The following DCHS2 variants were observed in gnomAD, a reference collection of about 807,000 sequenced individuals.
The protein encoded by DCHS2 is dachsous cadherin-related 2.
A neutral mutation model predicts 182.4 loss-of-function variants in DCHS2; 142 were observed. The ratio of observed to expected loss-of-function variants is 0.78; its 90% CI spans 0.68 to 0.89. The LOEUF is 0.89. Ranked by LOEUF, DCHS2 falls within the 40% of genes least tolerant of loss-of-function variation. The pLI is 0.00. For missense variants in DCHS2, 4,319 were observed against 4,198.6 expected (o/e 1.03, Z -0.79); for synonymous variants, 1,740 against 1,663.3 (o/e 1.05, Z -1.12).
intron 1 of DCHS2, among the ~76,000 whole-genome samples, chr4:154,404,543 A>T (rs1175379581): frequency 1.3e-5 from 2 of 152,186 alleles, no homozygotes; most frequent in South Asian, 2.1e-4. Flanking sequence ...TGGAGGAAAG[A>T]GTTGTTCAAA....
At chr4:154,483,547 T>G (rs895334177) in intron 1 of DCHS2, among the ~76,000 whole-genome samples, 1 of 152,154 alleles carries the variant, frequency 6.6e-6, no homozygotes, top group Admixed American at 6.5e-5. Flanking sequence ...TAAAACAGGC[T>G]TTCATTGTCT....
intron 1 of DCHS2, among the ~76,000 whole-genome samples, chr4:154,436,985 C>G (rs1733807007): frequency 2.0e-5 from 3 of 152,158 alleles, no homozygotes; most frequent in African/African-American, 7.2e-5. Context: ...CCTCTTCCTT[C>G]TTTTGGTGTG....
intron 13 of DCHS2, among the ~76,000 whole-genome samples, chr4:154,296,157 T>C (rs546574963): frequency 9.8e-5 from 15 of 152,322 alleles, no homozygotes; most frequent in Admixed American, 9.2e-4. Context: ...ATTCTTATCA[T>C]GACAATCAAA....
At chr4:154,357,465 GC>G (rs1248595769) in intron 3 of DCHS2, 3 of 615,854 alleles carry the variant, frequency 4.9e-6, no homozygotes, top group Admixed American at 2.7e-5. Flanking sequence ...TCTGAGCCCA[GC>G]TATCACCAGA....
intron 1 of DCHS2, among the ~76,000 whole-genome samples, chr4:154,431,299 G>A (rs749305288): frequency 1.3e-3 from 194 of 152,196 alleles, no homozygotes; most frequent in Non-Finnish European, 1.8e-3. Flanking sequence ...AAGGCAGTGT[G>A]TATGACTTAA....
At chr4:154,306,999 T>A (rs1032629973) in intron 10 of DCHS2, among the ~76,000 whole-genome samples, 1 of 152,210 alleles carries the variant, frequency 6.6e-6, no homozygotes, top group Non-Finnish European at 1.5e-5. Context: ...TAACAATACA[T>A]TAACCTTCAA....
chr4:154,386,061 G>A (rs1731400745), intron 1 of DCHS2, among the ~76,000 whole-genome samples: 3 of 152,040 alleles, frequency 2.0e-5, no homozygotes, highest in Admixed American at 1.3e-4. Flanking sequence ...CCACCCCACA[G>A]TCTGCTACCC....
At chr4:154,249,432 G>A (rs1732242300) in intron 16 of DCHS2, among the ~76,000 whole-genome samples, 1 of 152,162 alleles carries the variant, frequency 6.6e-6, no homozygotes, top group African/African-American at 2.4e-5. Context: ...AAAGATGCTA[G>A]TGAGAGTGTG....
chr4:154,306,768 C>T (rs1342022571), intron 10 of DCHS2, among the ~76,000 whole-genome samples: 4 of 152,030 alleles, frequency 2.6e-5, no homozygotes, highest in Non-Finnish European at 5.9e-5. Context: ...TATTGTATTA[C>T]ATATTATAGA....
At chr4:154,487,393 G>A (rs1308077154) in intron 1 of DCHS2, among the ~76,000 whole-genome samples, 1 of 152,196 alleles carries the variant, frequency 6.6e-6, no homozygotes, top group Non-Finnish European at 1.5e-5. Context: ...TCAGACGGAG[G>A]AGAAACAGCC....
intron 2 of DCHS2, among the ~76,000 whole-genome samples, chr4:154,371,201 C>G (rs188908192): frequency 2.1e-5 from 3 of 145,660 alleles, no homozygotes; most frequent in Admixed American, 1.4e-4. Flanking sequence ...TAAGTCATGA[C>G]AGGAAAAAAA....
chr4:154,389,309 A>G (rs111441950), intron 1 of DCHS2, among the ~76,000 whole-genome samples: 2 of 152,100 alleles, frequency 1.3e-5, no homozygotes, highest in African/African-American at 2.4e-5. Flanking sequence ...GCCATGTGCC[A>G]TGGTTTGCTA....
rs779606638 is a variant in DCHS2 at position 154,329,666 on chromosome 4, G to A, written c.3775C>T (p.His1259Tyr). The A allele has an allele frequency of 1.9e-6, 3 of 1,612,080 alleles. No individual in the cohort carries two copies. The highest frequency in any genetic ancestry group is 1.7e-6 in the Non-Finnish European group (2 of 1,179,820). ...GTCACTAGCACAGTCATCTCATGGT[G>A]CCCCCGGTGCTCACGATCCAGTGCC... ...WVALDREHRG[H>Y]HEMTVLVTDR... Residue 1259 changes from histidine to tyrosine, a missense_variant, in exon 6 of 20, where the codon CAC becomes TAC. By Grantham distance (83) the His-to-Tyr change is moderately conservative. Transcript: ENST00000357232.
At chr4:154,264,453 G>T (rs1325348824) in intron 14 of DCHS2, among the ~76,000 whole-genome samples, 1 of 152,098 alleles carries the variant, frequency 6.6e-6, no homozygotes, top group African/African-American at 2.4e-5. Context: ...GAAAAATACA[G>T]TTCCTCAGAA....
intron 1 of DCHS2, among the ~76,000 whole-genome samples, chr4:154,381,480 A>G (rs1731166006): frequency 6.6e-6 from 1 of 152,252 alleles, no homozygotes; most frequent in Non-Finnish European, 1.5e-5. Context: ...TCCAAATAGG[A>G]AAAGAAGCCA....
rs930448589 is a variant in DCHS2, at chr4:154,269,916, G to A, written c.6561C>T (p.Ser2187=). 2 of 1,611,874 alleles carry A rather than the reference G, an allele frequency of 1.2e-6. No homozygotes were observed. Among genetic ancestry groups the A allele is most frequent in the African/African-American group, 2.7e-5 (2 of 74,730 alleles). The change falls in exon 14 of 20, where the codon TCC becomes TCT. Residue 2187 remains serine, a synonymous_variant. Coordinates refer to ENST00000357232, the MANE Select transcript of DCHS2 (RefSeq NM_001358235.2). The part of the protein sequence containing the change: ...IFSGNEDGVL[S]LCSKSGQLTV... ...AAGGATTACCTGACTTAGAGCACAG[G>A]GAAAGAACTCCATCTTCATTTCCAC...
intron 1 of DCHS2, among the ~76,000 whole-genome samples, chr4:154,442,761 C>A (rs983385855): frequency 6.6e-6 from 1 of 152,068 alleles, no homozygotes; most frequent in Admixed American, 6.5e-5. Flanking sequence ...TTATAATTAT[C>A]TACTGTATTC....
intron 13 of DCHS2, among the ~76,000 whole-genome samples, chr4:154,287,736 C>A (rs994074437): frequency 6.6e-6 from 1 of 152,072 alleles, no homozygotes; most frequent in Non-Finnish European, 1.5e-5. Flanking sequence ...CCTGCCTCAG[C>A]CTCTTGACAT....
At chr4:154,343,919 C>T (rs995731676) in intron 3 of DCHS2, among the ~76,000 whole-genome samples, 5 of 152,160 alleles carry the variant, frequency 3.3e-5, no homozygotes, top group Non-Finnish European at 5.9e-5. Context: ...TTAATCATAT[C>T]TAGCTTTTGA....
Sources: allele counts gnomAD v4.1 joint callset (sites outside exome capture counted in the v4.1 genomes callset), GRCh38; gene constraint gnomAD v4.1.1; transcripts MANE v1.5; gene names NCBI Gene and HGNC (gene_info 2026-07-23, HGNC 2026-07-21).